Variants in MBOAT2 observed in about 807,000 individuals in gnomAD.
MBOAT2 encodes membrane-bound glycerophospholipid O-acyltransferase 2.
A neutral mutation model predicts 63.4 loss-of-function variants in MBOAT2; 28 were observed. The ratio of observed to expected loss-of-function variants is 0.44; its 90% CI spans 0.33 to 0.61. The LOEUF (loss-of-function observed/expected upper bound fraction) is 0.61, where lower values mean the gene tolerates loss of function less well. Ranked by LOEUF, MBOAT2 falls within the 20% of genes least tolerant of loss-of-function variation. MBOAT2 has a pLI of 0.03. For synonymous variants in MBOAT2, 211 were observed against 215.6 expected (o/e 0.98, Z 0.19); for missense variants, 470 against 605.8 (o/e 0.78, Z 2.35).
At chr2:8,941,637 G>A (rs956118438) in intron 3 of MBOAT2, among the ~76,000 whole-genome samples, 9 of 150,694 alleles carry the variant, frequency 6.0e-5, no homozygotes. Flanking sequence ...GCAACAGAGT[G>A]AGACTCCGTC....
chr2:8,912,422 C>CAAAGAAAGAAAGAAAGAAA (rs1558607282), intron 3 of MBOAT2, among the ~76,000 whole-genome samples: 32 of 132,678 alleles, frequency 2.4e-4, no homozygotes, highest in African/African-American at 8.0e-4. Flanking sequence ...AAAGACAGGC[C>CAAAGAAAGAAAGAAAGAAA]GGCCGGCCTT....
At chr2:8,949,596 G>A (rs1668669190) in intron 2 of MBOAT2, among the ~76,000 whole-genome samples, 2 of 152,040 alleles carry the variant, frequency 1.3e-5, no homozygotes, top group Admixed American at 1.3e-4. Flanking sequence ...ATTGACTAGG[G>A]AGTCCTTTCC....
intron 3 of MBOAT2, among the ~76,000 whole-genome samples, chr2:8,929,357 CATTCATTCATTT>C (rs1667153832): frequency 2.0e-5 from 3 of 152,032 alleles, no homozygotes; most frequent in African/African-American, 7.2e-5. Context: ...TTCATTCATT[CATTCATTCATTT>C]GAGAAAGGGT....
intron 4 of MBOAT2, among the ~76,000 whole-genome samples, chr2:8,894,549 G>T (rs1283455803): frequency 6.6e-6 from 1 of 152,208 alleles, no homozygotes; most frequent in Non-Finnish European, 1.5e-5. Context: ...ACTCATTTCA[G>T]AGAACACAGA....
At chr2:8,916,916 C>T (rs1280975920) in intron 3 of MBOAT2, among the ~76,000 whole-genome samples, 3 of 152,102 alleles carry the variant, frequency 2.0e-5, no homozygotes, top group Non-Finnish European at 2.9e-5. Flanking sequence ...AAGTATGAAG[C>T]TTCGGTAACC....
chr2:8,937,711 C>T (rs1370980106), intron 3 of MBOAT2, among the ~76,000 whole-genome samples: 2 of 152,082 alleles, frequency 1.3e-5, no homozygotes, highest in Admixed American at 6.5e-5. Context: ...AGGAAGGAAG[C>T]GCAGTCATGG....
At chr2:8,943,368 G>GAA in intron 2 of MBOAT2, 104 bp from the exon 3 acceptor site, 1 of 560,982 alleles carries the variant, frequency 1.8e-6, no homozygotes, top group Non-Finnish European at 3.0e-6. Flanking sequence ...AGTATTCCCA[G>GAA]AAAAAAAAAT....
At chr2:8,872,128 C>A (rs1404875343) in intron 8 of MBOAT2, among the ~76,000 whole-genome samples, 1 of 152,198 alleles carries the variant, frequency 6.6e-6, no homozygotes, top group Non-Finnish European at 1.5e-5. Context: ...TTTCACCTGA[C>A]CAGGTCCCTC....
Position 8,904,166 on chromosome 2 carries a change from G to A in MBOAT2, c.395+4455C>T, listed in dbSNP as rs1165405321. Among the ~76,000 whole-genome samples the A allele has an allele frequency of 2.0e-5, 3 of 151,906 alleles. No individual in the cohort carries two copies. The South Asian group carries it at 6.3e-4, about 32-fold the overall frequency. On this transcript the variant is annotated intron_variant, in intron 4 of 12. Coordinates refer to ENST00000305997, the MANE Select transcript of MBOAT2 (RefSeq NM_138799.4). ...ATTTTTGTATTTTTAGTAGAGACGA[G>A]TTTTGCCATATTGGTCAGGCTGGTC... is the stretch of plus-strand genomic sequence containing the variant.
intron 4 of MBOAT2, among the ~76,000 whole-genome samples, chr2:8,900,877 A>G (rs1294665567): frequency 1.3e-5 from 2 of 152,120 alleles, no homozygotes; most frequent in Non-Finnish European, 2.9e-5. Context: ...CATCAGAGAG[A>G]GAATACTGGG....
chr2:8,949,986 G>T (rs1668712268), intron 2 of MBOAT2, among the ~76,000 whole-genome samples: 1 of 152,108 alleles, frequency 6.6e-6, no homozygotes, highest in Admixed American at 6.5e-5. Flanking sequence ...TGTCATCTAT[G>T]ATTTCTTTTA....
At chr2:8,911,962 A>G (rs1440130874) in intron 3 of MBOAT2, among the ~76,000 whole-genome samples, 1 of 152,140 alleles carries the variant, frequency 6.6e-6, no homozygotes, top group Admixed American at 6.6e-5. Flanking sequence ...ATACAGTGCA[A>G]ATCATAAACA....
chr2:8,880,958 A>G (rs1558567796), intron 6 of MBOAT2, among the ~76,000 whole-genome samples: 2 of 152,214 alleles, frequency 1.3e-5, no homozygotes, highest in Admixed American at 1.3e-4. Context: ...AAAGCCTTCA[A>G]GAAGTGCTCC....
chr2:8,938,700 G>A (rs1277322087), intron 3 of MBOAT2, among the ~76,000 whole-genome samples: 1 of 149,104 alleles, frequency 6.7e-6, no homozygotes, highest in African/African-American at 2.5e-5. Flanking sequence ...GTTTCATGCT[G>A]TCACGTTTCA....
At chr2:8,887,902 A>G in intron 5 of MBOAT2, 116 bp downstream of exon 5, 1 of 933,876 alleles carries the variant, frequency 1.1e-6, no homozygotes, top group Non-Finnish European at 1.7e-6. Context: ...ATATTTCCCT[A>G]TCTTACCTCC....
intron 1 of MBOAT2, among the ~76,000 whole-genome samples, chr2:8,994,891 T>G (rs1672164772): frequency 6.6e-6 from 1 of 152,090 alleles, no homozygotes. Context: ...GGCAAGGAGT[T>G]AAAAGAGAGA....
intron 1 of MBOAT2, among the ~76,000 whole-genome samples, chr2:8,982,298 A>G (rs1280958127): frequency 6.6e-6 from 1 of 152,184 alleles, no homozygotes; most frequent in Admixed American, 6.6e-5. Context: ...GCTGTACTAC[A>G]CTTCACAAAA....
At chr2:8,939,009 G>T (rs1573107511) in intron 3 of MBOAT2, among the ~76,000 whole-genome samples, 1 of 152,184 alleles carries the variant, frequency 6.6e-6, no homozygotes, top group African/African-American at 2.4e-5. Context: ...GTGTTCACAT[G>T]CCTCCTGCCA....
chr2:8,984,251 T>C (rs1430403258), intron 1 of MBOAT2, among the ~76,000 whole-genome samples: 2 of 151,896 alleles, frequency 1.3e-5, no homozygotes, highest in Non-Finnish European at 1.5e-5. Flanking sequence ...GAGGGGAAAA[T>C]AGGGAGTTGC....
Sources: gnomAD v4.1 joint callset for allele counts (sites outside exome capture counted in the v4.1 genomes callset) on GRCh38, gnomAD v4.1.1 for gene constraint, MANE v1.5 for transcripts, NCBI Gene and HGNC (gene_info 2026-07-23, HGNC 2026-07-21) for gene names.